LYSMD3: variants seen among roughly 807,000 people sequenced by gnomAD.
The protein encoded by LYSMD3 is lysM and putative peptidoglycan-binding domain-containing protein 3.
LYSMD3 carries 13 observed loss-of-function variants against 26.1 expected under a neutral mutation model. The observed-to-expected ratio is 0.50, with a 90% CI of 0.32 to 0.79. The LOEUF is 0.79. Ranked by LOEUF, LYSMD3 falls within the 30% of genes least tolerant of loss-of-function variation. LYSMD3 has a pLI of 0.03. For synonymous variants in LYSMD3, 109 were observed against 119.4 expected, an observed-to-expected ratio of 0.91 and a Z score of 0.57; for missense variants, 331 against 362.5, an observed-to-expected ratio of 0.91 and a Z score of 0.71.
At position 90,525,158 on chromosome 5, in the gene LYSMD3, G is replaced by A. The variant is rs772950583; in HGVS notation, c.132C>T (p.Ser44=). 6.2e-7 allele frequency: 1 copy of A among 1,613,966 alleles called. No individual in the cohort carries two copies. The highest frequency in any genetic ancestry group is 1.1e-5 in the South Asian group (1 of 91,078). ...EEDAEVYELR[S]RGKEKVRRST... is the part of the protein sequence containing the mutation. Reference sequence around the variant, plus strand: ...TTCTTCGGACTTTCTCTTTTCCTCTGGATCGAAGTTCATACACTTCAGCAT... The same window carrying A: ...TTCTTCGGACTTTCTCTTTTCCTCTAGATCGAAGTTCATACACTTCAGCAT... Residue 44 remains serine (S), a synonymous_variant, in exon 2 of 3, where the codon TCC becomes TCT. Coordinates refer to ENST00000315948, the MANE Select transcript of LYSMD3 (RefSeq NM_198273.2).
chr5:90,520,440 G>C (rs1466540052), intron 2 of LYSMD3: 1 of 456,208 alleles, frequency 2.2e-6, no homozygotes, highest in Admixed American at 2.3e-5. Context: ...ATGGACGATG[G>C]CATTCATTGA....
Position 90,517,415 on chromosome 5 carries a change from A to G in LYSMD3, c.*1404T>C, listed in dbSNP as rs1015518788. 1 of 152,106 alleles carries G rather than the reference A, an allele frequency of 6.6e-6. No homozygotes were observed. The highest frequency in any genetic ancestry group is 2.4e-5 in the African/African-American group (1 of 41,452). The allele number at this position is 152,106 out of a possible 1,614,324, so 9.4% of individuals were successfully genotyped here. A position where few individuals can be genotyped will look rare whatever the true frequency, so the allele number is the denominator to read the frequency against. On this transcript the variant is annotated 3_prime_UTR_variant, in exon 3 of 3. Transcript: ENST00000315948. ...TATATCTTAAGTATATATTATATAC[A>G]AAACAGGCAATCCAGACTCCACCAA...
Position 90,518,357 on chromosome 5 carries a change from T to G in LYSMD3, c.*462A>C, listed in dbSNP as rs1393940989. 6.5e-6 allele frequency: 1 copy of G among 153,638 alleles called. No individual in the cohort carries two copies. Among genetic ancestry groups the G allele is most frequent in the Non-Finnish European group, 1.4e-5 (1 of 69,096 alleles). The allele number at this position is 153,638 out of a possible 1,614,324, so 9.5% of individuals were successfully genotyped here. Reference sequence around the variant, plus strand: ...GTATTTTTTAAAAGTTTTGAAGGGGTGTGTTACGTATCCTACCATGAATAA... The same window carrying G: ...GTATTTTTTAAAAGTTTTGAAGGGGGGTGTTACGTATCCTACCATGAATAA... On this transcript the variant is annotated 3_prime_UTR_variant, in exon 3 of 3. Transcript: ENST00000315948.
Position 90,516,089 on chromosome 5 carries a change from A to G in LYSMD3, c.*2730T>C, listed in dbSNP as rs533085991. The stretch of plus-strand genomic sequence containing the variant: ...AATTACTAAGTAGTGGTTCATTTAA[A>G]TAACTCTTCAGGACACTGAACCAAG... On this transcript the variant is annotated 3_prime_UTR_variant, in exon 3 of 3. Transcript: ENST00000315948. 6.6e-6 allele frequency: 1 copy of G among 152,158 alleles called. No homozygotes were observed. Among genetic ancestry groups the G allele is most frequent in the Non-Finnish European group, 1.5e-5 (1 of 67,996 alleles). The allele number at this position is 152,158 out of a possible 1,614,324, so 9.4% of individuals were successfully genotyped here. A position where few individuals can be genotyped will look rare whatever the true frequency, so the allele number is the denominator to read the frequency against.
At chr5:90,528,330 TAGAC>T (rs1227892349) in intron 1 of LYSMD3, among the ~76,000 whole-genome samples, 1 of 152,230 alleles carries the variant, frequency 6.6e-6, no homozygotes, top group African/African-American at 2.4e-5. Flanking sequence ...TGTGTCTTGT[TAGAC>T]AGTTTCACCC....
In LYSMD3 at chr5:90,519,489, G is replaced by A; in HGVS notation, c.256-5C>T. On this transcript the variant is annotated splice_polypyrimidine_tract_variant and splice_region_variant and intron_variant, in intron 2 of 2. Transcript: ENST00000315948. ...AACTCTCTTGATATCTGCTACCTGT[G>A]GGGGGGAAAAAAAAGCAACATACAA... The A allele has an allele frequency of 2.6e-6, 4 of 1,543,656 alleles. No individual in the cohort carries two copies. Among genetic ancestry groups the A allele is most frequent in the Non-Finnish European group, 3.5e-6 (4 of 1,149,736 alleles).
chr5:90,524,884 G>C, intron 2 of LYSMD3, 151 bp downstream of exon 2: 1 of 749,300 alleles, frequency 1.3e-6, no homozygotes, highest in Non-Finnish European at 2.0e-6. Context: ...GAGCCACCGC[G>C]CCCAGCCCAT....
At chr5:90,528,413 C>T (rs896685631) in intron 1 of LYSMD3, among the ~76,000 whole-genome samples, 2 of 152,134 alleles carry the variant, frequency 1.3e-5, no homozygotes, top group African/African-American at 4.8e-5. Context: ...CTAAGCAATG[C>T]CCCAAAGCCA....
At chr5:90,527,129 G>C in intron 1 of LYSMD3, 2 of 151,968 alleles carry the variant, frequency 1.3e-5, no homozygotes, top group Middle Eastern at 6.8e-3. Context: ...AGTACCAAGC[G>C]AAACAAAAAC....
intron 2 of LYSMD3, among the ~76,000 whole-genome samples, chr5:90,522,793 C>T (rs1753126063): frequency 6.6e-6 from 1 of 152,196 alleles, no homozygotes. Flanking sequence ...CCACTCACTT[C>T]GGAAATAACT....
At chr5:90,520,078 C>G (rs1319780627) in intron 2 of LYSMD3, among the ~76,000 whole-genome samples, 1 of 152,138 alleles carries the variant, frequency 6.6e-6, no homozygotes. Context: ...ATTTATCCCC[C>G]TTATTTCTGA....
In LYSMD3 at chr5:90,517,233, G is replaced by T. The variant is rs981448576; in HGVS notation, c.*1586C>A. On this transcript the variant is annotated 3_prime_UTR_variant, in exon 3 of 3. Transcript: ENST00000315948. ...CTTTAATGTTTGACTTCTTTGTCCT[G>T]TCTTTTCCTGATGGTCTTCTCCTGA... 1 of 152,164 alleles carries T rather than the reference G, an allele frequency of 6.6e-6. No homozygotes were observed. The highest frequency in any genetic ancestry group is 1.5e-5 in the Non-Finnish European group (1 of 67,892). 9.4% of individuals were successfully genotyped at this position (152,164 alleles called of 1,614,324 possible).
intron 2 of LYSMD3, among the ~76,000 whole-genome samples, chr5:90,524,696 A>G (rs1002948767): frequency 6.6e-6 from 1 of 152,126 alleles, no homozygotes; most frequent in African/African-American, 2.4e-5. Flanking sequence ...GGTTCATGCC[A>G]TTCTCCTGCC....
In LYSMD3 at chr5:90,529,516, G is replaced by T. The variant is rs942967750; in HGVS notation, c.-80C>A. ...AGGTCCGCCGCCGCCGCTGTCCCGG[G>T]TAAGTTCATGGCCGAGCCTCTGCTT... On this transcript the variant is annotated 5_prime_UTR_variant, in exon 1 of 3. Coordinates refer to ENST00000315948, the MANE Select transcript of LYSMD3 (RefSeq NM_198273.2). The T allele has an allele frequency of 2.2e-6, 1 of 456,620 alleles. No individual in the cohort carries two copies. Among genetic ancestry groups the T allele is most frequent in the South Asian group, 1.5e-5 (1 of 64,570 alleles). The allele number at this position is 456,620 out of a possible 1,614,324, so 28.3% of individuals were successfully genotyped here.
intron 2 of LYSMD3, among the ~76,000 whole-genome samples, chr5:90,520,703 T>G (rs1161364025): frequency 1.3e-5 from 2 of 152,122 alleles, no homozygotes; most frequent in East Asian, 3.9e-4. Context: ...GTAGATCACC[T>G]GAGGTCAGGA....
chr5:90,529,506 G>T lies in LYSMD3; in HGVS notation c.-70C>A. 1 of 456,578 alleles carries T rather than the reference G, an allele frequency of 2.2e-6. No homozygotes were observed. The highest frequency in any genetic ancestry group is 2.3e-5 in the Admixed American group (1 of 42,558). 28.3% of individuals were successfully genotyped at this position (456,578 alleles called of 1,614,324 possible). A position where few individuals can be genotyped will look rare whatever the true frequency, so the allele number is the denominator to read the frequency against. ...GATGGCCAAAAGGTCCGCCGCCGCCGCTGTCCCGGGTAAGTTCATGGCCGA... is the reference window on the plus strand; with the variant it reads ...GATGGCCAAAAGGTCCGCCGCCGCCTCTGTCCCGGGTAAGTTCATGGCCGA... On this transcript the variant is annotated 5_prime_UTR_variant, in exon 1 of 3. Coordinates refer to ENST00000315948, the MANE Select transcript of LYSMD3 (RefSeq NM_198273.2).
chr5:90,519,585 G>C (rs1753040712), intron 2 of LYSMD3, 101 bp from the exon 3 acceptor site: 8 of 1,186,430 alleles, frequency 6.7e-6, no homozygotes, highest in Non-Finnish European at 9.3e-6. Flanking sequence ...AAAAAAAGTT[G>C]AATTATTAGT....
chr5:90,529,578 C>A lies in LYSMD3; in HGVS notation c.-142G>T. The A allele has an allele frequency of 2.2e-6, 1 of 455,958 alleles. No individual in the cohort carries two copies. The highest frequency in any genetic ancestry group is 2.3e-5 in the Admixed American group (1 of 42,554). The allele number at this position is 455,958 out of a possible 1,614,324, so 28.2% of individuals were successfully genotyped here. On this transcript the variant is annotated 5_prime_UTR_variant, in exon 1 of 3. Transcript: ENST00000315948. ...CGTCCGCCTCCGCCTCTGCCGCCAA[C>A]GTCTCCGCCTTCCGGGCCGTACGCC...
rs1480818470 is a variant in LYSMD3 at position 90,522,845 on chromosome 5, ATCT to A, written c.255+2187_255+2189del. Among the ~76,000 whole-genome samples, 7 of 152,214 alleles carry A rather than the reference ATCT, an allele frequency of 4.6e-5. No individual in the cohort carries two copies. The East Asian group carries it at 1.2e-3, about 25-fold the overall frequency. Reference sequence around the variant, plus strand: ...TTGTTTACCATATTTCCTCCTTGAAATCTTCTTCACATCACTGTTGAATGCCTG... The same window carrying A: ...TTGTTTACCATATTTCCTCCTTGAAATCTTCACATCACTGTTGAATGCCTG... On this transcript the variant is annotated intron_variant, in intron 2 of 2. Transcript: ENST00000315948.
Sources: allele counts gnomAD v4.1 joint callset (sites outside exome capture counted in the v4.1 genomes callset), GRCh38; gene constraint gnomAD v4.1.1; transcripts MANE v1.5; gene names NCBI Gene and HGNC (gene_info 2026-07-23, HGNC 2026-07-21).